Variants in CHRNB4 observed in about 807,000 individuals in gnomAD.
The protein encoded by CHRNB4 is cholinergic receptor nicotinic beta 4 subunit, also known as neuronal acetylcholine receptor subunit beta-4.
CHRNB4 carries 23 observed loss-of-function variants against 40.4 expected under a neutral mutation model. The ratio of observed to expected loss-of-function variants is 0.57; its 90% CI spans 0.41 to 0.81. The LOEUF is 0.81. Among genes scored for constraint, CHRNB4 ranks in the 30% least tolerant of loss-of-function variants. The pLI, the probability that CHRNB4 is intolerant of heterozygous loss-of-function variation, is 0.00. For synonymous variants in CHRNB4, 285 were observed against 274.4 expected (o/e 1.04, Z -0.38); for missense variants, 568 against 670.6 (o/e 0.85, Z 1.69).
rs528568206 is a variant in CHRNB4, at chr15:78,625,201, G to T, written c.1429C>A (p.Leu477Ile). The T allele has an allele frequency of 1.2e-4, 188 of 1,608,010 alleles. 2 individuals are homozygous for T. In the South Asian group the frequency reaches 1.9e-3, roughly 16 times the overall value. ...GTCTGGAAGAGGGGCGGTAGGAAGAGCCCCACAGTGCCCAGGACGCACACA... is the reference window on the plus strand; with the variant it reads ...GTCTGGAAGAGGGGCGGTAGGAAGATCCCCACAGTGCCCAGGACGCACACA... ...MFVCVLGTVG[L>I]FLPPLFQTHA... The change falls in exon 6 of 6, where the codon CTC (leucine) becomes ATC (isoleucine). Residue 477 changes from leucine to isoleucine, a missense_variant. Coordinates refer to ENST00000261751, the MANE Select transcript of CHRNB4 (RefSeq NM_000750.5).
chr15:78,638,097 C>G (rs2053992312), intron 1 of CHRNB4, among the ~76,000 whole-genome samples: 1 of 152,260 alleles, frequency 6.6e-6, no homozygotes, highest in African/African-American at 2.4e-5. Context: ...CTGCAGCTCC[C>G]ATCCCCCAGC....
intron 7 of CHRNB4, among the ~76,000 whole-genome samples, chr15:78,647,861 C>CAAAAAAAAAA (rs146991423): frequency 3.3e-4 from 13 of 39,122 alleles, no homozygotes; most frequent in African/African-American, 9.9e-4. Flanking sequence ...GACTCCATCT[C>CAAAAAAAAAA]AAAAAAAAAA....
At chr15:78,635,666 G>A (rs576669662) in intron 1 of CHRNB4, 79 bp from the exon 2 acceptor site, 2 of 1,583,622 alleles carry the variant, frequency 1.3e-6, no homozygotes, top group African/African-American at 1.3e-5. Context: ...AGGGAGAGCT[G>A]AGAGGGAGCA....
At chr15:78,626,272 A>G (rs1194395501) in intron 5 of CHRNB4, 1 of 152,532 alleles carries the variant, frequency 6.6e-6, no homozygotes, top group Admixed American at 6.5e-5. Flanking sequence ...GCAGGCACAC[A>G]CAGCTCTCTC....
chr15:78,644,274 C>T (rs1159545482), upstream of CHRNB4, among the ~76,000 whole-genome samples: 1 of 135,794 alleles, frequency 7.4e-6, no homozygotes, highest in African/African-American at 2.6e-5. Flanking sequence ...ATCTGTCTTC[C>T]AAAACACATT....
At chr15:78,627,732 T>C (rs1413587058) in intron 5 of CHRNB4, among the ~76,000 whole-genome samples, 1 of 152,230 alleles carries the variant, frequency 6.6e-6, no homozygotes, top group Non-Finnish European at 1.5e-5. Context: ...GTGTGAAAAT[T>C]TGTCACCACC....
chr15:78,658,523 C>T (rs755321506), intron 1 of CHRNB4, among the ~76,000 whole-genome samples: 6 of 152,162 alleles, frequency 3.9e-5, no homozygotes, highest in Non-Finnish European at 7.3e-5. Flanking sequence ...AAACCCAGTC[C>T]TCTTGGTCCC....
chr15:78,641,270 G>A, upstream of CHRNB4: 2 of 721,368 alleles, frequency 2.8e-6, no homozygotes, highest in Non-Finnish European at 4.1e-6. Flanking sequence ...GGACCCCGCG[G>A]AGAGCCCCGC....
intron 7 of CHRNB4, among the ~76,000 whole-genome samples, chr15:78,647,397 C>T (rs2054130984): frequency 6.6e-6 from 1 of 151,226 alleles, no homozygotes; most frequent in South Asian, 2.1e-4. Context: ...AGTGGGCAAA[C>T]AATATGAACA....
rs372392383 is a variant in CHRNB4 at position 78,629,851 on chromosome 15, C to T, written c.454G>A (p.Ala152Thr). 5.0e-6 allele frequency: 8 copies of T among 1,613,856 alleles called. No homozygotes were observed. The highest frequency in any genetic ancestry group is 2.2e-5 in the East Asian group (1 of 44,890). ...AAGTACTTCACCTCAATCTTGCAGG[C>T]GCTCTTGTAGATGGCAGGGGGCAGC... ...LWLPPAIYKSACKIEVKYFPF... is the reference protein window; with the variant it reads ...LWLPPAIYKSTCKIEVKYFPF... The change falls in exon 5 of 6, where the codon GCC (alanine) becomes ACC (threonine). Residue 152 changes from alanine to threonine, a missense_variant. By Grantham distance (58) the Ala-to-Thr change is moderately conservative (BLOSUM62 0). This residue lies in a region of CHRNB4 where 127 missense variants were observed against 167.4 expected (regional missense o/e 0.76). Coordinates refer to ENST00000261751, the MANE Select transcript of CHRNB4 (RefSeq NM_000750.5). The surrounding 1 kb of genome is among the most constrained non-coding windows in gnomAD (Gnocchi z 6.8).
At chr15:78,653,288 A>C (rs571447479) in intron 5 of CHRNB4, among the ~76,000 whole-genome samples, 128 of 152,276 alleles carry the variant, frequency 8.4e-4, no homozygotes, top group African/African-American at 2.3e-3. Context: ...TTCTGGCTTT[A>C]AGTCTAAAGG....
At chr15:78,637,973 G>A (rs966673377) in intron 1 of CHRNB4, among the ~76,000 whole-genome samples, 3 of 152,176 alleles carry the variant, frequency 2.0e-5, no homozygotes, top group Non-Finnish European at 2.9e-5. Flanking sequence ...CTAGAGCTGG[G>A]TCCCTCCCAC....
upstream of CHRNB4, among the ~76,000 whole-genome samples, chr15:78,641,881 T>C (rs570212678): frequency 5.3e-5 from 8 of 152,328 alleles, no homozygotes; most frequent in African/African-American, 1.7e-4. Flanking sequence ...AGGGTGTCCT[T>C]GACGCGTTTT....
chr15:78,631,303 A>G lies in CHRNB4; in HGVS notation c.234T>C (p.Asn78=), dbSNP rs372231167. The G allele has an allele frequency of 6.2e-7, 1 of 1,614,118 alleles. No homozygotes were observed. Among genetic ancestry groups the G allele is most frequent in the Non-Finnish European group, 8.5e-7 (1 of 1,180,000 alleles). Residue 78 remains asparagine (N), a synonymous_variant, in exon 3 of 6, where the codon AAT becomes AAC. Coordinates refer to ENST00000261751, the MANE Select transcript of CHRNB4 (RefSeq NM_000750.5). ...VNEREQIMTT[N]VWLKQEWTDY... The stretch of plus-strand genomic sequence containing the variant: ...GGGCACTTACCTGTTTCAGCCAGAC[A>G]TTGGTGGTCATGATCTGCTCTCGCT...
At chr15:78,655,426 C>CTATATCTATATATATCTATATCTATA (rs2054204919) in intron 5 of CHRNB4, 3 of 140,096 alleles carry the variant, frequency 2.1e-5, no homozygotes, top group African/African-American at 2.7e-5. Context: ...ATCTATATAT[C>CTATATCTATATATATCTATATCTATA]TATATCTATA....
rs1319428017 is a variant in CHRNB4 at position 78,629,261 on chromosome 15, C to T, written c.1044G>A (p.Lys348=). Residue 348 remains lysine (K), a synonymous_variant, in exon 5 of 6, where the codon AAG becomes AAA. Transcript: ENST00000261751. This position sits in a 1 kb window ranked among gnomAD's most constrained non-coding sequence, Gnocchi z 6.8. The stretch of plus-strand genomic sequence containing the variant: ...CCGGGCTGCTGTCGGGGCCAGGGCG[C>T]TTCATGAAGAGGAAGGTAGGCAGCT... ...LHKLPTFLFM[K]RPGPDSSPAR... 2 of 1,613,046 alleles carry T rather than the reference C, an allele frequency of 1.2e-6. No homozygotes were observed. The highest frequency in any genetic ancestry group is 2.2e-5 in the East Asian group (1 of 44,856).
chr15:78,645,850 G>C (rs772347128), upstream of CHRNB4, among the ~76,000 whole-genome samples: 1 of 152,066 alleles, frequency 6.6e-6, no homozygotes, highest in Non-Finnish European at 1.5e-5. Context: ...ATGAGGTCAA[G>C]AGATTGAAAC....
chr15:78,646,064 A>G (rs1436992649), upstream of CHRNB4, among the ~76,000 whole-genome samples: 1 of 151,952 alleles, frequency 6.6e-6, no homozygotes, highest in African/African-American at 2.4e-5. Context: ...TCTCAAAAAA[A>G]AAAAAAAAAT....
exon 5 of CHRNB4, chr15:78,655,598 G>A (rs1257465233): frequency 6.6e-6 from 1 of 151,768 alleles, no homozygotes; most frequent in East Asian, 2.0e-4. Context: ...TGATCCAGGG[G>A]AGGTCAAGGC....
Sources: gnomAD v4.1 joint callset for allele counts (sites outside exome capture counted in the v4.1 genomes callset) on GRCh38, gnomAD v4.1.1 for gene constraint, gnomAD v4.1.1 regional missense constraint, Gnocchi (gnomAD v3.1) non-coding constraint, MANE v1.5 for transcripts, NCBI Gene and HGNC (gene_info 2026-07-23, HGNC 2026-07-21) for gene names.